NSMCE2: variants seen among roughly 807,000 people sequenced by gnomAD.
NSMCE2 encodes the protein E3 SUMO-protein ligase NSE2.
NSMCE2 carries 24 observed loss-of-function variants against 23.8 expected under a neutral mutation model. The observed-to-expected ratio is 1.01, with a 90% CI of 0.73 to 1.42. NSMCE2 has a LOEUF of 1.42. NSMCE2 is among the 40% of genes most tolerant of loss of function. The pLI is 0.00. For synonymous variants in NSMCE2, 92 were observed against 94.1 expected, an observed-to-expected ratio of 0.98 and a Z score of 0.13; for missense variants, 284 against 296.5, an observed-to-expected ratio of 0.96 and a Z score of 0.31.
chr8:125,119,994 A>G (rs1819191477), intron 3 of NSMCE2, among the ~76,000 whole-genome samples: 1 of 152,138 alleles, frequency 6.6e-6, no homozygotes, highest in Non-Finnish European at 1.5e-5. Context: ...CCTTATTACA[A>G]AAAGTAAGAA....
At chr8:125,119,401 A>G (rs1819166961) in intron 3 of NSMCE2, among the ~76,000 whole-genome samples, 2 of 152,214 alleles carry the variant, frequency 1.3e-5, no homozygotes, top group Non-Finnish European at 2.9e-5. Flanking sequence ...CGTGTATAGT[A>G]TCTGAATACC....
chr8:125,274,324 T>A (rs1468877812), intron 5 of NSMCE2, among the ~76,000 whole-genome samples: 2 of 152,252 alleles, frequency 1.3e-5, no homozygotes, highest in African/African-American at 2.4e-5. Flanking sequence ...CAGGATTTTT[T>A]AAAATCCAAT....
At chr8:125,348,370 G>C (rs553301111) in intron 5 of NSMCE2, 1 of 152,096 alleles carries the variant, frequency 6.6e-6, no homozygotes, top group African/African-American at 2.4e-5. Context: ...CATCCTGTGA[G>C]GTTGTAACAT....
chr8:125,238,297 G>C (rs748179839), intron 5 of NSMCE2, among the ~76,000 whole-genome samples: 2 of 152,022 alleles, frequency 1.3e-5, no homozygotes, highest in African/African-American at 2.4e-5. Flanking sequence ...CCTCACAACA[G>C]TCCCAATAGC....
intron 4 of NSMCE2, among the ~76,000 whole-genome samples, chr8:125,162,779 A>G (rs1821691419): frequency 6.6e-6 from 1 of 152,186 alleles, no homozygotes; most frequent in South Asian, 2.1e-4. Flanking sequence ...AACCACCTAA[A>G]CTTGGAATAA....
intron 5 of NSMCE2, among the ~76,000 whole-genome samples, chr8:125,207,519 A>G (rs1270375005): frequency 6.6e-6 from 1 of 152,242 alleles, no homozygotes; most frequent in African/African-American, 2.4e-5. Flanking sequence ...GTAGTTCAAA[A>G]CTGCTGTGGA....
chr8:125,215,654 T>C (rs1318521623), intron 5 of NSMCE2, among the ~76,000 whole-genome samples: 4 of 152,176 alleles, frequency 2.6e-5, no homozygotes, highest in Admixed American at 2.6e-4. Context: ...CTTCTAGGGT[T>C]TTTATGGTTT....
chr8:125,321,070 G>A (rs1021601242), intron 5 of NSMCE2, among the ~76,000 whole-genome samples: 4 of 152,126 alleles, frequency 2.6e-5, no homozygotes, highest in Non-Finnish European at 5.9e-5. Context: ...TAAACTGTTA[G>A]AAACTGCCCC....
rs543922229 is a variant in NSMCE2 at position 125,324,823 on chromosome 8, C to T, written c.419-32396C>T. Among the ~76,000 whole-genome samples the T allele has an allele frequency of 3.7e-3, 213 of 58,014 alleles. 29 individuals are homozygous for T. Among genetic ancestry groups the T allele is most frequent in the African/African-American group, 7.0e-3 (205 of 29,332 alleles). 38.1% of individuals were successfully genotyped at this position (58,014 alleles called of 152,430 possible). A position where few individuals can be genotyped will look rare whatever the true frequency, so the allele number is the denominator to read the frequency against. On this transcript the variant is annotated intron_variant, in intron 5 of 7. Transcript: ENST00000287437. ...TCTCCTGACCTCGTGATCCGCCCGC[C>T]TCGGCCTCCCAAAGTGCTGGGATTA...
intron 5 of NSMCE2, among the ~76,000 whole-genome samples, chr8:125,340,954 T>G (rs927689550): frequency 6.6e-6 from 1 of 152,238 alleles, no homozygotes; most frequent in African/African-American, 2.4e-5. Context: ...TTTCATTTAT[T>G]TTTAGCCTGC....
At chr8:125,199,498 G>A (rs1452911095) in intron 5 of NSMCE2, among the ~76,000 whole-genome samples, 1 of 152,152 alleles carries the variant, frequency 6.6e-6, no homozygotes, top group Non-Finnish European at 1.5e-5. Flanking sequence ...TTTTAAATGA[G>A]TTTCTTAATC....
At chr8:125,162,557 C>T (rs1483857585) in intron 4 of NSMCE2, among the ~76,000 whole-genome samples, 3 of 151,806 alleles carry the variant, frequency 2.0e-5, no homozygotes, top group Non-Finnish European at 2.9e-5. Context: ...GCTCTATGCT[C>T]GCTTGCAAAA....
chr8:125,253,270 G>A (rs930246726), intron 5 of NSMCE2, among the ~76,000 whole-genome samples: 3 of 152,200 alleles, frequency 2.0e-5, no homozygotes, highest in Non-Finnish European at 4.4e-5. Flanking sequence ...ATTTGAATTA[G>A]CAGGTGTATG....
At chr8:125,157,160 A>G (rs1377019105) in intron 4 of NSMCE2, among the ~76,000 whole-genome samples, 1 of 152,158 alleles carries the variant, frequency 6.6e-6, no homozygotes, top group Non-Finnish European at 1.5e-5. Context: ...GTGGCTATAA[A>G]ATTTGAGGAC....
intron 5 of NSMCE2, among the ~76,000 whole-genome samples, chr8:125,320,209 A>C: frequency 1.8e-5 from 1 of 54,476 alleles, no homozygotes. Context: ...AAAGAAAGAG[A>C]AGGAAGGAAG....
intron 3 of NSMCE2, among the ~76,000 whole-genome samples, chr8:125,141,582 A>G (rs1457384193): frequency 1.3e-5 from 2 of 152,234 alleles, no homozygotes; most frequent in African/African-American, 4.8e-5. Flanking sequence ...TAATAGGTGC[A>G]GGGTGCCTGG....
intron 5 of NSMCE2, among the ~76,000 whole-genome samples, chr8:125,235,244 T>TTA (rs371286579): frequency 2.1e-5 from 3 of 141,522 alleles, no homozygotes; most frequent in African/African-American, 7.7e-5. Context: ...CCATCTCAAT[T>TTA]AAAAAAAAAA....
chr8:125,296,807 T>C (rs1828347985), intron 5 of NSMCE2, among the ~76,000 whole-genome samples: 1 of 152,198 alleles, frequency 6.6e-6, no homozygotes, highest in South Asian at 2.1e-4. Flanking sequence ...AGGCTGGGCA[T>C]TCCTGCAGGA....
At chr8:125,174,862 C>T (rs1196658197) in intron 4 of NSMCE2, among the ~76,000 whole-genome samples, 3 of 152,088 alleles carry the variant, frequency 2.0e-5, no homozygotes, top group Non-Finnish European at 2.9e-5. Flanking sequence ...AATAATGGCA[C>T]TAGGAAACAC....
Sources: allele counts gnomAD v4.1 joint callset (sites outside exome capture counted in the v4.1 genomes callset), GRCh38; gene constraint gnomAD v4.1.1; transcripts MANE v1.5; gene names NCBI Gene and HGNC (gene_info 2026-07-23, HGNC 2026-07-21).